The following PPARGC1A variants were observed in gnomAD, a reference collection of about 807,000 sequenced individuals.
PPARGC1A encodes PPARG coactivator 1 alpha, also known as peroxisome proliferator-activated receptor gamma coactivator 1-alpha.
Under a neutral mutation model 88.7 loss-of-function variants are expected in PPARGC1A, and 25 were observed. The observed-to-expected ratio is 0.28, with a 90% CI of 0.21 to 0.39. PPARGC1A has a LOEUF of 0.39. Ranked by LOEUF, PPARGC1A falls within the 10% of genes least tolerant of loss-of-function variation. The pLI is 1.00. For synonymous variants in PPARGC1A, 363 were observed against 355.6 expected (o/e 1.02, Z -0.24); for missense variants, 880 against 968.7 (o/e 0.91, Z 1.22).
chr4:24,325,983 A>G, the PPARGC1A span, among the ~76,000 whole-genome samples: 20 of 152,210 alleles, frequency 1.3e-4, no homozygotes, highest in East Asian at 1.2e-3. Context: ...AGATATTTTA[A>G]CCAAATTATC....
chr4:24,174,283 C>T, the PPARGC1A span, among the ~76,000 whole-genome samples: 1 of 152,198 alleles, frequency 6.6e-6, no homozygotes, highest in African/African-American at 2.4e-5. Flanking sequence ...CTACTGTGTT[C>T]CACCTTAACC....
chr4:23,935,417 A>G, the PPARGC1A span, among the ~76,000 whole-genome samples: 1 of 152,202 alleles, frequency 6.6e-6, no homozygotes, highest in African/African-American at 2.4e-5. Flanking sequence ...AGAAAGAGCA[A>G]ATGTCCACGG....
the PPARGC1A span, among the ~76,000 whole-genome samples, chr4:24,375,564 A>G: frequency 6.6e-6 from 1 of 152,204 alleles, no homozygotes; most frequent in Non-Finnish European, 1.5e-5. Flanking sequence ...AATATTTATT[A>G]AGCAACTACT....
the PPARGC1A span, among the ~76,000 whole-genome samples, chr4:24,161,943 A>G: frequency 6.7e-6 from 1 of 148,644 alleles, no homozygotes; most frequent in African/African-American, 2.5e-5. Flanking sequence ...TCAATGAGTG[A>G]ATAAAGAAAT....
chr4:24,107,801 G>A, the PPARGC1A span, among the ~76,000 whole-genome samples: 1 of 152,220 alleles, frequency 6.6e-6, no homozygotes, highest in Non-Finnish European at 1.5e-5. Flanking sequence ...TTAGAAGGAT[G>A]ATTGGCTTCA....
At chr4:24,406,484 G>A in the PPARGC1A span, among the ~76,000 whole-genome samples, 1 of 152,138 alleles carries the variant, frequency 6.6e-6, no homozygotes, top group Non-Finnish European at 1.5e-5. Flanking sequence ...CTGTGTAAAG[G>A]GATTTGGAAT....
chr4:24,243,796 C>T, the PPARGC1A span, among the ~76,000 whole-genome samples: 15 of 152,290 alleles, frequency 9.8e-5, no homozygotes, highest in African/African-American at 3.1e-4. Flanking sequence ...CAGACTTTGA[C>T]GAGCCAGGCA....
chr4:23,974,736 C>T, the PPARGC1A span, among the ~76,000 whole-genome samples: 1 of 150,850 alleles, frequency 6.6e-6, no homozygotes, highest in Admixed American at 6.6e-5. Flanking sequence ...GGGTTCACGC[C>T]ATTCTCCCGC....
At chr4:23,837,430 C>T (rs911038483) in intron 2 of PPARGC1A, among the ~76,000 whole-genome samples, 2 of 149,472 alleles carry the variant, frequency 1.3e-5, no homozygotes, top group Admixed American at 6.7e-5. Context: ...GAGAATTCTT[C>T]AAGAAGGTGT....
At chr4:23,880,614 G>C (rs1715733332) in intron 2 of PPARGC1A, 1 of 152,178 alleles carries the variant, frequency 6.6e-6, no homozygotes. Flanking sequence ...ATGAAGAAAA[G>C]TAAAGTATCT....
chr4:24,187,349 G>A, the PPARGC1A span, among the ~76,000 whole-genome samples: 3 of 141,448 alleles, frequency 2.1e-5, no homozygotes, highest in Non-Finnish European at 3.2e-5. Flanking sequence ...CTGAGGTGCT[G>A]AGGAATTTGG....
the PPARGC1A span, among the ~76,000 whole-genome samples, chr4:23,953,393 A>G: frequency 1.3e-5 from 2 of 152,144 alleles, no homozygotes; most frequent in Non-Finnish European, 1.5e-5. Context: ...TGTCTAGTAG[A>G]AGGTATTACT....
At chr4:24,127,628 C>G in the PPARGC1A span, among the ~76,000 whole-genome samples, 1 of 151,924 alleles carries the variant, frequency 6.6e-6, no homozygotes, top group African/African-American at 2.4e-5. Context: ...AATTTAACCC[C>G]CTAAGTTCCA....
the PPARGC1A span, among the ~76,000 whole-genome samples, chr4:24,345,783 G>T: frequency 1.3e-5 from 2 of 152,082 alleles, no homozygotes; most frequent in South Asian, 4.1e-4. Context: ...TCTTTCTCTT[G>T]CCTGATTGCT....
chr4:24,180,954 A>C, the PPARGC1A span, among the ~76,000 whole-genome samples: 1 of 152,182 alleles, frequency 6.6e-6, no homozygotes, highest in Admixed American at 6.5e-5. Flanking sequence ...AAGACTCAAA[A>C]CATGATCCCT....
At chr4:23,903,175 T>G (rs2148885729), upstream of PPARGC1A, among the ~76,000 whole-genome samples, 1 of 152,290 alleles carries the variant, frequency 6.6e-6, no homozygotes, top group South Asian at 2.1e-4. Flanking sequence ...TACTCTATTT[T>G]TAGGACTTGA....
At chr4:24,036,517 G>A in the PPARGC1A span, among the ~76,000 whole-genome samples, 1 of 151,898 alleles carries the variant, frequency 6.6e-6, no homozygotes, top group Non-Finnish European at 1.5e-5. Flanking sequence ...GGGACGAAGT[G>A]AAATGTGATA....
At chr4:24,370,960 G>A in the PPARGC1A span, among the ~76,000 whole-genome samples, 1 of 151,748 alleles carries the variant, frequency 6.6e-6, no homozygotes, top group Middle Eastern at 3.2e-3. Context: ...TCCCTGGTGT[G>A]TGATGTTCCC....
At chr4:24,459,520 G>C in the PPARGC1A span, among the ~76,000 whole-genome samples, 605 of 152,118 alleles carry the variant, frequency 4.0e-3, 4 homozygotes, top group African/African-American at 0.014. Context: ...GCCAGGTGCA[G>C]TGGTTCACTC....
Sources: gnomAD v4.1 joint callset for allele counts (sites outside exome capture counted in the v4.1 genomes callset) on GRCh38, gnomAD v4.1.1 for gene constraint, MANE v1.5 for transcripts, NCBI Gene and HGNC (gene_info 2026-07-23, HGNC 2026-07-21) for gene names.